Variants in GART observed in about 807,000 individuals in gnomAD.
The protein encoded by GART is trifunctional purine biosynthetic protein adenosine-3.
Under a neutral mutation model 107.2 loss-of-function variants are expected in GART, and 43 were observed. That is an observed-to-expected ratio of 0.40 (90% CI 0.31 to 0.52). GART has a LOEUF of 0.52. Ranked by LOEUF, GART falls within the 20% of genes least tolerant of loss-of-function variation. The pLI, the probability that GART is intolerant of heterozygous loss-of-function variation, is 0.52. For missense variants in GART, 1,107 were observed against 1,206.5 expected, an observed-to-expected ratio of 0.92 and a Z score of 1.22; for synonymous variants, 434 against 427.0, an observed-to-expected ratio of 1.02 and a Z score of -0.20.
intron 10 of GART, among the ~76,000 whole-genome samples, chr21:33,527,197 A>G (rs2085089517): frequency 6.6e-6 from 1 of 152,168 alleles, no homozygotes; most frequent in Non-Finnish European, 1.5e-5. Flanking sequence ...TGTCTGGGCA[A>G]GACAGTTTAT....
chr21:33,534,432 G>A, intron 4 of GART, 147 bp downstream of exon 4: 1 of 729,052 alleles, frequency 1.4e-6, no homozygotes, highest in Non-Finnish European at 2.3e-6. Context: ...ACCCAGGCTG[G>A]TCTCTAACTC....
At chr21:33,514,093 C>A (rs779588413) in intron 16 of GART, among the ~76,000 whole-genome samples, 1 of 152,030 alleles carries the variant, frequency 6.6e-6, no homozygotes, top group Non-Finnish European at 1.5e-5. Context: ...GTGGTGAAAC[C>A]CCGTCTCTAC....
At chr21:33,516,941 T>C in intron 16 of GART, 48 bp downstream of exon 16, 2 of 1,530,968 alleles carry the variant, frequency 1.3e-6, no homozygotes, top group South Asian at 2.5e-5. Context: ...ACAATGCATT[T>C]TTTTCCTCAG....
intron 5 of GART, 46 bp from the exon 6 acceptor site, chr21:33,531,603 TGGTAAG>T: frequency 6.6e-7 from 1 of 1,504,326 alleles, no homozygotes; most frequent in Non-Finnish European, 9.0e-7. Context: ...AAAAGAGGCT[TGGTAAG>T]TTTTTGATAC....
At chr21:33,520,679 T>A in intron 13 of GART, 117 bp from the exon 14 acceptor site, 1 of 910,768 alleles carries the variant, frequency 1.1e-6, no homozygotes, top group Non-Finnish European at 1.7e-6. Flanking sequence ...TCTGACAAGC[T>A]ACTTGGTCTA....
At chr21:33,528,657 GAC>G in intron 8 of GART, 53 bp from the exon 9 acceptor site, 1 of 1,188,766 alleles carries the variant, frequency 8.4e-7, no homozygotes, top group East Asian at 2.5e-5. Flanking sequence ...CTATGATGAA[GAC>G]ACTGTATTAC....
At chr21:33,524,538 C>T in intron 11 of GART, 3 of 1,178,274 alleles carry the variant, frequency 2.5e-6, no homozygotes, top group Non-Finnish European at 3.2e-6. Flanking sequence ...AAATAAAAAT[C>T]AGTACCACTG....
intron 18 of GART, 148 bp downstream of exon 18, chr21:33,509,635 C>G (rs2084747844): frequency 7.1e-6 from 5 of 704,478 alleles, no homozygotes; most frequent in Non-Finnish European, 1.1e-5. Flanking sequence ...AGTGGAAAGA[C>G]TAAGAATGCT....
At chr21:33,525,919 G>C (rs2145728366) in intron 10 of GART, among the ~76,000 whole-genome samples, 1 of 149,206 alleles carries the variant, frequency 6.7e-6, no homozygotes, top group East Asian at 2.0e-4. Context: ...GCCCAGGCTG[G>C]TGTGCAGTGG....
chr21:33,539,804 G>A (rs963032286), intron 1 of GART, among the ~76,000 whole-genome samples: 1 of 152,070 alleles, frequency 6.6e-6, no homozygotes, highest in African/African-American at 2.4e-5. Context: ...TTCATAATTT[G>A]AGAAATATGA....
At chr21:33,524,298 C>T in intron 11 of GART, 1 of 983,454 alleles carries the variant, frequency 1.0e-6, no homozygotes, top group Non-Finnish European at 1.2e-6. Context: ...GCCTATAATC[C>T]CAGCATTTTG....
intron 19 of GART, 22 bp downstream of exon 19, chr21:33,505,952 G>T (rs758796862): frequency 6.2e-7 from 1 of 1,613,602 alleles, no homozygotes; most frequent in Non-Finnish European, 8.5e-7. Context: ...CCACAGCAAA[G>T]ATATTTTCCC....
chr21:33,521,878 G>T (rs1428595228), intron 12 of GART, among the ~76,000 whole-genome samples: 4 of 145,972 alleles, frequency 2.7e-5, no homozygotes, highest in Non-Finnish European at 4.5e-5. Context: ...AGAATCGCTT[G>T]AAATCAGGAT....
chr21:33,513,657 A>T (rs1279821883), intron 16 of GART, among the ~76,000 whole-genome samples: 4 of 152,224 alleles, frequency 2.6e-5, no homozygotes, highest in Admixed American at 2.0e-4. Flanking sequence ...GGAAATGTCC[A>T]TTCTTAATAG....
intron 7 of GART, 58 bp from the exon 8 acceptor site, chr21:33,528,995 A>G (rs938732685): frequency 8.8e-7 from 1 of 1,141,504 alleles, no homozygotes; most frequent in Non-Finnish European, 1.3e-6. Context: ...TCTAAGTAGT[A>G]TTACATGGGA....
At chr21:33,531,031 A>C in intron 6 of GART, 147 bp from the exon 7 acceptor site, 1 of 535,668 alleles carries the variant, frequency 1.9e-6, no homozygotes, top group Non-Finnish European at 2.9e-6. Flanking sequence ...AACGTCAATA[A>C]CATTAAGCTA....
chr21:33,531,025 T>G, intron 6 of GART, 141 bp from the exon 7 acceptor site: 1 of 628,916 alleles, frequency 1.6e-6, no homozygotes, highest in Non-Finnish European at 2.4e-6. Flanking sequence ...AACCGAAACG[T>G]CAATAACATT....
chr21:33,524,658 CCA>C, intron 11 of GART, 109 bp downstream of exon 11: 1 of 1,509,176 alleles, frequency 6.6e-7, no homozygotes, highest in South Asian at 1.3e-5. Context: ...TGTATCACTC[CCA>C]CAGAGAGAAA....
At position 33,506,110 on chromosome 21, in the gene GART, A is replaced by G; in HGVS notation, c.2453-6T>C. 6.2e-7 allele frequency: 1 copy of G among 1,611,928 alleles called. No homozygotes were observed. Among genetic ancestry groups the G allele is most frequent in the Non-Finnish European group, 8.5e-7 (1 of 1,179,228 alleles). On this transcript the variant is annotated splice_region_variant and splice_polypyrimidine_tract_variant and intron_variant, in intron 18 of 21. Transcript: ENST00000381815. ...AAGTGCTTGCAGGTTCGATCCTGAGAAGGGAGAAAAACAGCAGTGAGCTCA... is the reference window on the plus strand; with the variant it reads ...AAGTGCTTGCAGGTTCGATCCTGAGGAGGGAGAAAAACAGCAGTGAGCTCA...
Sources: gnomAD v4.1 joint callset for allele counts (sites outside exome capture counted in the v4.1 genomes callset) on GRCh38, gnomAD v4.1.1 for gene constraint, MANE v1.5 for transcripts, NCBI Gene and HGNC (gene_info 2026-07-23, HGNC 2026-07-21) for gene names.